The following ADGRG2 variants were observed in gnomAD, a reference collection of about 807,000 sequenced individuals.
The protein encoded by ADGRG2 is adhesion G protein-coupled receptor G2.
A neutral mutation model predicts 74.1 loss-of-function variants in ADGRG2; 26 were observed. The ratio of observed to expected loss-of-function variants is 0.35; its 90% CI spans 0.26 to 0.49. The LOEUF (loss-of-function observed/expected upper bound fraction) is 0.49. ADGRG2 is among the 20% of genes least tolerant of loss of function. The pLI is 0.99. For synonymous variants in ADGRG2, 296 were observed against 295.2 expected, an observed-to-expected ratio of 1.00 and a Z score of -0.03; for missense variants, 619 against 763.1, an observed-to-expected ratio of 0.81 and a Z score of 2.22.
intron 1 of ADGRG2, among the ~76,000 whole-genome samples, chrX:19,103,355 C>T (rs1337610667): frequency 8.9e-6 from 1 of 111,831 alleles, no homozygotes; most frequent in Non-Finnish European, 1.9e-5. Flanking sequence ...AATTCCCTGC[C>T]CCATCCCAGA....
At chrX:19,090,169 A>G (rs1200823709) in intron 1 of ADGRG2, among the ~76,000 whole-genome samples, 2 of 111,719 alleles carry the variant, frequency 1.8e-5, no homozygotes, top group Admixed American at 9.5e-5. Context: ...GAACCCACAT[A>G]AGCAGATTCT....
intron 1 of ADGRG2, among the ~76,000 whole-genome samples, chrX:19,090,774 TATG>T (rs1370014184): frequency 1.8e-5 from 2 of 111,650 alleles, no homozygotes; most frequent in African/African-American, 6.5e-5. Context: ...TGTTTGTGGT[TATG>T]ATGTTAATGT....
At chrX:19,070,708 G>A (rs1310224603) in intron 2 of ADGRG2, among the ~76,000 whole-genome samples, 1 of 112,209 alleles carries the variant, frequency 8.9e-6, no homozygotes, top group African/African-American at 3.2e-5. Flanking sequence ...CATGAATCCA[G>A]CCACCACTTG....
chrX:19,053,048 G>A lies in ADGRG2; in HGVS notation c.119-12824C>T, dbSNP rs148438489. On this transcript the variant is annotated intron_variant, in intron 3 of 28. Transcript: ENST00000379869. ...TTGGTTGCATTAAGTATGTCCACATGTTTATGCAACCATCACCACCTTCTC... is the reference window on the plus strand; with the variant it reads ...TTGGTTGCATTAAGTATGTCCACATATTTATGCAACCATCACCACCTTCTC... 6.3e-3 allele frequency among the ~76,000 whole-genome samples: 702 copies of A among 111,801 alleles called. 4 individuals carry two copies. Among genetic ancestry groups the A allele is most frequent in the Middle Eastern group, 0.014 (3 of 217 alleles).
rs1410533768 is a variant in ADGRG2 at position 19,080,157 on chromosome X, G to T, written c.-2+2545C>A. 2.7e-5 allele frequency among the ~76,000 whole-genome samples: 3 copies of T among 109,603 alleles called. No individual in the cohort carries two copies. The South Asian group carries it at 1.2e-3, about 44-fold the overall frequency. ...ACTCCTGACCTCAGATGACCCACCC[G>T]CCTCGGCCTCCCAAAGTGCTGGGAT... On this transcript the variant is annotated intron_variant, in intron 2 of 28. Coordinates refer to ENST00000379869, the MANE Select transcript of ADGRG2 (RefSeq NM_001079858.3).
intron 3 of ADGRG2, among the ~76,000 whole-genome samples, chrX:19,048,013 G>C (rs925387858): frequency 1.2e-4 from 13 of 111,207 alleles, no homozygotes; most frequent in African/African-American, 4.2e-4. Context: ...GCAATCCGCA[G>C]TTCTAGGTGG....
chrX:18,991,069 C>T (rs766948498), intron 28 of ADGRG2, 21 bp from the exon 29 acceptor site: 16 of 1,048,639 alleles, frequency 1.5e-5, no homozygotes, highest in East Asian at 3.2e-5. Flanking sequence ...AAACACAAAG[C>T]GGGTGGCATG....
At chrX:19,090,739 T>C (rs1158196454) in intron 1 of ADGRG2, among the ~76,000 whole-genome samples, 2 of 111,464 alleles carry the variant, frequency 1.8e-5, no homozygotes, top group Non-Finnish European at 3.8e-5. Context: ...AAAGTTGATT[T>C]TTCCTTAGTG....
At chrX:19,089,776 T>C (rs887582805) in intron 1 of ADGRG2, among the ~76,000 whole-genome samples, 2 of 111,719 alleles carry the variant, frequency 1.8e-5, no homozygotes, top group African/African-American at 6.5e-5. Context: ...AAGGGTCATC[T>C]GGTAGACTGG....
rs1555901683 is a variant in ADGRG2 at position 19,049,455 on chromosome X, T to TTG, written c.119-9232_119-9231insCA. On this transcript the variant is annotated intron_variant, in intron 3 of 28. Coordinates refer to ENST00000379869, the MANE Select transcript of ADGRG2 (RefSeq NM_001079858.3). ...TTTTTTGTGTTTTTTTTTTTTTTTTTTTGTTGTTGTTGTTTTGCTACCAAG... is the reference window on the plus strand; with the variant it reads ...TTTTTTGTGTTTTTTTTTTTTTTTTTTGTTGTTGTTGTTGTTTTGCTACCAAG... Among the ~76,000 whole-genome samples the TTG allele has an allele frequency of 1.5e-3, 138 of 90,982 alleles. 1 individual carries two copies. Among genetic ancestry groups the TTG allele is most frequent in the African/African-American group, 6.1e-3 (126 of 20,706 alleles). 79.0% of individuals were successfully genotyped at this position (90,982 alleles called of 115,157 possible). A position where few individuals can be genotyped will look rare whatever the true frequency, so the allele number is the denominator to read the frequency against.
chrX:19,040,304 T>A (rs2061031889), intron 3 of ADGRG2, 80 bp from the exon 4 acceptor site: 1 of 657,535 alleles, frequency 1.5e-6, no homozygotes, highest in Non-Finnish European at 2.4e-6. Flanking sequence ...AAGGATTTTT[T>A]GTCAAATAAG....
chrX:19,066,079 C>T (rs891341562), intron 3 of ADGRG2, among the ~76,000 whole-genome samples: 7 of 112,109 alleles, frequency 6.2e-5, no homozygotes, highest in African/African-American at 2.3e-4. Flanking sequence ...AACTCCTGAC[C>T]TCAGGTGATC....
At chrX:19,107,862 A>T (rs1432554799) in intron 1 of ADGRG2, among the ~76,000 whole-genome samples, 1 of 109,241 alleles carries the variant, frequency 9.2e-6, no homozygotes, top group Non-Finnish European at 1.9e-5. Flanking sequence ...GCACTTTGGG[A>T]GGCTGAGGCG....
intron 3 of ADGRG2, among the ~76,000 whole-genome samples, chrX:19,060,756 C>T (rs1282835660): frequency 9.1e-6 from 1 of 110,486 alleles, no homozygotes; most frequent in African/African-American, 3.3e-5. Flanking sequence ...CCATGTTGGC[C>T]AGGCTGGTCT....
intron 1 of ADGRG2, among the ~76,000 whole-genome samples, chrX:19,097,728 C>T (rs865921069): frequency 1.4e-4 from 16 of 111,211 alleles, no homozygotes; most frequent in Admixed American, 9.6e-4. Context: ...CTCACTGCAT[C>T]GAGGGTGAGC....
At chrX:19,035,875 C>A in intron 7 of ADGRG2, 67 bp downstream of exon 7, 1 of 572,761 alleles carries the variant, frequency 1.7e-6, no homozygotes. Flanking sequence ...ACCCAGTAGA[C>A]TGCACAAGCA....
Position 18,990,996 on chromosome X carries a change from A to G in ADGRG2, c.2922T>C (p.Asp974=), listed in dbSNP as rs780486277. The change falls in exon 29 of 29, where the codon GAT becomes GAC. Residue 974 remains aspartate, a synonymous_variant. Coordinates refer to ENST00000379869, the MANE Select transcript of ADGRG2 (RefSeq NM_001079858.3). ...NGVSFSVQNG[D]VCLHDFTGKQ... ...TTCCAGTGAAATCGTGAAGGCACACATCTCCATTCTGAACACTAAAAGAGA... is the reference window on the plus strand; with the variant it reads ...TTCCAGTGAAATCGTGAAGGCACACGTCTCCATTCTGAACACTAAAAGAGA... 1 of 1,202,881 alleles carries G rather than the reference A, an allele frequency of 8.3e-7. No individual in the cohort carries two copies. Among genetic ancestry groups the G allele is most frequent in the Non-Finnish European group, 1.1e-6 (1 of 887,977 alleles).
rs2060930156 is a variant in ADGRG2 at position 19,035,942 on chromosome X, C to T, written c.262G>A (p.Glu88Lys). The T allele has an allele frequency of 3.1e-6, 3 of 970,898 alleles. No homozygotes were observed. The highest frequency in any genetic ancestry group is 4.4e-6 in the Non-Finnish European group (3 of 687,706). The allele number at this position is 970,898 out of a possible 1,213,427, so 80.0% of individuals were successfully genotyped here. A position where few individuals can be genotyped will look rare whatever the true frequency, so the allele number is the denominator to read the frequency against. Reference sequence around the variant, plus strand: ...ACATTTAGAAATCACTTGATATTACCTGTTTCGTTTGAAGGGAGTAAGCTT... The same window carrying T: ...ACATTTAGAAATCACTTGATATTACTTGTTTCGTTTGAAGGGAGTAAGCTT... ...TLSLLPSNETEKTKITIVKTF... is the reference protein window; with the variant it reads ...TLSLLPSNETKKTKITIVKTF... The change falls in exon 7 of 29, where the codon GAA becomes AAA. Residue 88 changes from glutamate (E) to lysine (K), a missense_variant and splice_region_variant. Glu to Lys is a moderately conservative substitution (Grantham distance 56). Coordinates refer to ENST00000379869, the MANE Select transcript of ADGRG2 (RefSeq NM_001079858.3).
At chrX:19,103,700 A>C (rs1307433333) in intron 1 of ADGRG2, among the ~76,000 whole-genome samples, 1 of 111,273 alleles carries the variant, frequency 9.0e-6, no homozygotes, top group Non-Finnish European at 1.9e-5. Flanking sequence ...CCAAATCCAA[A>C]GGACTAAGTG....
Sources: gnomAD v4.1 joint callset for allele counts (sites outside exome capture counted in the v4.1 genomes callset) on GRCh38, gnomAD v4.1.1 for gene constraint, MANE v1.5 for transcripts, NCBI Gene and HGNC (gene_info 2026-07-23, HGNC 2026-07-21) for gene names.